The following FHOD3 variants were observed in gnomAD, a reference collection of about 807,000 sequenced individuals.
FHOD3 encodes the protein formin homology 2 domain containing 3.
Under a neutral mutation model 173.0 loss-of-function variants are expected in FHOD3, and 90 were observed. The ratio of observed to expected loss-of-function variants is 0.52; its 90% CI spans 0.44 to 0.62. The LOEUF (loss-of-function observed/expected upper bound fraction) is 0.62. FHOD3 is among the 20% of genes least tolerant of loss of function. The pLI is 0.00. For synonymous variants in FHOD3, 828 were observed against 823.0 expected (o/e 1.01, Z -0.10); for missense variants, 1,945 against 2,034.7 (o/e 0.96, Z 0.85).
intron 1 of FHOD3, among the ~76,000 whole-genome samples, chr18:36,332,154 C>T (rs2045050092): frequency 6.6e-6 from 1 of 152,194 alleles, no homozygotes; most frequent in African/African-American, 2.4e-5. Context: ...GAAGGAATTC[C>T]TTCCATTATT....
At chr18:36,430,793 C>T (rs1461717433) in intron 3 of FHOD3, among the ~76,000 whole-genome samples, 1 of 152,050 alleles carries the variant, frequency 6.6e-6, no homozygotes, top group East Asian at 1.9e-4. Flanking sequence ...TTGTAAATAT[C>T]TGTTTGGACT....
At chr18:36,437,686 A>G (rs1328288971) in intron 3 of FHOD3, among the ~76,000 whole-genome samples, 1 of 39,122 alleles carries the variant, frequency 2.6e-5, no homozygotes, top group Non-Finnish European at 6.5e-5. Flanking sequence ...TTTTTTTAAG[A>G]CAGAGTCTTG....
At chr18:36,620,648 T>G (rs1255424428) in intron 9 of FHOD3, among the ~76,000 whole-genome samples, 1 of 152,196 alleles carries the variant, frequency 6.6e-6, no homozygotes, top group Non-Finnish European at 1.5e-5. Flanking sequence ...ATACCACACA[T>G]TTCATGATAG....
chr18:36,357,534 G>T (rs541932415), intron 2 of FHOD3, among the ~76,000 whole-genome samples: 1 of 152,286 alleles, frequency 6.6e-6, no homozygotes, highest in Admixed American at 6.5e-5. Flanking sequence ...CACACCAATA[G>T]TATGTGAGAA....
chr18:36,681,796 G>T (rs1319845348), intron 15 of FHOD3, among the ~76,000 whole-genome samples: 3 of 152,036 alleles, frequency 2.0e-5, no homozygotes, highest in Non-Finnish European at 4.4e-5. Flanking sequence ...TACAATTAGG[G>T]ACTCATGTAT....
chr18:36,357,671 A>C (rs1391484463), intron 2 of FHOD3, among the ~76,000 whole-genome samples: 1 of 152,216 alleles, frequency 6.6e-6, no homozygotes, highest in Non-Finnish European at 1.5e-5. Context: ...TTCCATTGCA[A>C]TAGTTTTTAT....
chr18:36,397,072 C>T (rs1598961267), intron 3 of FHOD3, among the ~76,000 whole-genome samples: 1 of 152,094 alleles, frequency 6.6e-6, no homozygotes, highest in African/African-American at 2.4e-5. Flanking sequence ...GGAAGGAATC[C>T]CTGGGGGCCA....
intron 20 of FHOD3, among the ~76,000 whole-genome samples, chr18:36,734,623 A>G (rs753594221): frequency 7.2e-5 from 11 of 152,174 alleles, no homozygotes; most frequent in Non-Finnish European, 1.6e-4. Context: ...GGGACCTGAG[A>G]GGCAGAGATG....
At chr18:36,482,821 A>AC (rs1491582181) in intron 3 of FHOD3, among the ~76,000 whole-genome samples, 2 of 91,024 alleles carry the variant, frequency 2.2e-5, no homozygotes, top group East Asian at 8.8e-4. Context: ...TCCGGTGAAC[A>AC]AACACACACA....
chr18:36,721,224 T>A (rs1057232869), intron 19 of FHOD3, among the ~76,000 whole-genome samples: 3 of 152,228 alleles, frequency 2.0e-5, no homozygotes, highest in Non-Finnish European at 4.4e-5. Context: ...CCAAACTGAT[T>A]CCAGAATGTT....
intron 5 of FHOD3, among the ~76,000 whole-genome samples, chr18:36,549,107 T>A (rs1418570989): frequency 6.6e-6 from 1 of 152,242 alleles, no homozygotes; most frequent in Admixed American, 6.5e-5. Flanking sequence ...CTGTTTAATT[T>A]TAGCCATTCT....
rs577039478 is a variant in FHOD3 at position 36,372,130 on chromosome 18, A to G, written c.273-550A>G. On this transcript the variant is annotated intron_variant, in intron 2 of 28. Transcript: ENST00000590592. ...AGAGGTGAGATGTGGTGTGGTGTAAATTGACGTTTCTGATAATAAGTAGTC... is the reference window on the plus strand; with the variant it reads ...AGAGGTGAGATGTGGTGTGGTGTAAGTTGACGTTTCTGATAATAAGTAGTC... Among the ~76,000 whole-genome samples the G allele has an allele frequency of 2.0e-5, 3 of 152,158 alleles. No individual in the cohort carries two copies. The South Asian group carries it at 6.2e-4, about 32-fold the overall frequency.
At chr18:36,552,879 G>A (rs2057719159) in intron 5 of FHOD3, among the ~76,000 whole-genome samples, 1 of 152,130 alleles carries the variant, frequency 6.6e-6, no homozygotes, top group Non-Finnish European at 1.5e-5. Flanking sequence ...ATGAGAGAAG[G>A]CATCCCTGTC....
At chr18:36,772,903 T>C (rs954311331) in intron 28 of FHOD3, among the ~76,000 whole-genome samples, 2 of 152,228 alleles carry the variant, frequency 1.3e-5, no homozygotes, top group South Asian at 4.1e-4. Flanking sequence ...TGATTAAAGA[T>C]GGACTGGCCC....
chr18:36,319,234 G>A (rs555808088), intron 1 of FHOD3, among the ~76,000 whole-genome samples: 27 of 152,186 alleles, frequency 1.8e-4, no homozygotes, highest in African/African-American at 5.5e-4. Context: ...CCCATCTCAC[G>A]TGAAAAGACA....
intron 3 of FHOD3, among the ~76,000 whole-genome samples, chr18:36,415,976 GT>G (rs1419387299): frequency 6.6e-6 from 1 of 152,138 alleles, no homozygotes; most frequent in Non-Finnish European, 1.5e-5. Flanking sequence ...AAACAAATTT[GT>G]TTTTCAGACA....
chr18:36,430,892 C>A (rs2050508905), intron 3 of FHOD3, among the ~76,000 whole-genome samples: 1 of 152,090 alleles, frequency 6.6e-6, no homozygotes, highest in African/African-American at 2.4e-5. Flanking sequence ...AATGGGCAGA[C>A]CAACTGGATG....
chr18:36,700,814 A>G (rs1042085936), intron 17 of FHOD3, among the ~76,000 whole-genome samples: 2 of 152,218 alleles, frequency 1.3e-5, no homozygotes, highest in South Asian at 4.1e-4. Flanking sequence ...GTTATGCTCC[A>G]TCCACACCAA....
intron 20 of FHOD3, among the ~76,000 whole-genome samples, chr18:36,738,662 A>G (rs532252550): frequency 6.6e-6 from 1 of 152,302 alleles, no homozygotes; most frequent in South Asian, 2.1e-4. Flanking sequence ...TATAGAGTCT[A>G]GTTGTTCTAA....
Sources: gnomAD v4.1 joint callset for allele counts (sites outside exome capture counted in the v4.1 genomes callset) on GRCh38, gnomAD v4.1.1 for gene constraint, MANE v1.5 for transcripts, NCBI Gene and HGNC (gene_info 2026-07-23, HGNC 2026-07-21) for gene names.